CLIP1: variants seen among roughly 807,000 people sequenced by gnomAD.
The protein encoded by CLIP1 is CAP-Gly domain containing linker protein 1.
In CLIP1, 66 loss-of-function variants were observed where a neutral mutation model predicts 161.6. That is an observed-to-expected ratio of 0.41 (90% CI 0.33 to 0.50). The LOEUF (loss-of-function observed/expected upper bound fraction) is 0.50, where lower values mean the gene tolerates loss of function less well. Among genes scored for constraint, CLIP1 ranks in the 20% least tolerant of loss-of-function variants. CLIP1 has a pLI of 0.27. For missense variants in CLIP1, 1,376 were observed against 1,702.0 expected, an observed-to-expected ratio of 0.81 and a Z score of 3.37; for synonymous variants, 598 against 626.2, an observed-to-expected ratio of 0.96 and a Z score of 0.67.
intron 20 of CLIP1, among the ~76,000 whole-genome samples, chr12:122,290,737 A>G (rs12578167): frequency 1.3e-5 from 2 of 152,142 alleles, no homozygotes; most frequent in African/African-American, 2.4e-5. Flanking sequence ...TCCAAGGAAG[A>G]GATGTTTGAT....
intron 10 of CLIP1, among the ~76,000 whole-genome samples, chr12:122,345,175 A>AT (rs1952687860): frequency 6.9e-6 from 1 of 145,340 alleles, no homozygotes; most frequent in African/African-American, 2.6e-5. Context: ...CCAAATTGCC[A>AT]CTTTTTTTTT....
intron 1 of CLIP1, among the ~76,000 whole-genome samples, chr12:122,388,400 T>C (rs917386251): frequency 2.6e-5 from 4 of 152,096 alleles, no homozygotes; most frequent in Admixed American, 1.3e-4. Context: ...TTTGTATTTT[T>C]AGTAGAGACG....
chr12:122,373,007 A>T (rs1012030665), intron 3 of CLIP1, among the ~76,000 whole-genome samples: 2 of 152,346 alleles, frequency 1.3e-5, no homozygotes, highest in South Asian at 4.1e-4. Flanking sequence ...TATTAGGTGC[A>T]GCGTATACTG....
At chr12:122,356,358 T>C (rs1196847184) in intron 5 of CLIP1, among the ~76,000 whole-genome samples, 1 of 152,196 alleles carries the variant, frequency 6.6e-6, no homozygotes. Flanking sequence ...ACTACTAGTT[T>C]GAGGCAATTC....
At chr12:122,316,002 C>G (rs913251274) in intron 19 of CLIP1, among the ~76,000 whole-genome samples, 1 of 151,446 alleles carries the variant, frequency 6.6e-6, no homozygotes, top group African/African-American at 2.4e-5. Context: ...GATTTTTTTC[C>G]CCCTATAAAA....
chr12:122,337,063 G>A (rs1425616480), intron 11 of CLIP1, among the ~76,000 whole-genome samples: 1 of 151,216 alleles, frequency 6.6e-6, no homozygotes, highest in Non-Finnish European at 1.5e-5. Context: ...TAGAACTCCT[G>A]AGTTCAAGTG....
intron 9 of CLIP1, among the ~76,000 whole-genome samples, chr12:122,350,314 G>C (rs1372004067): frequency 6.6e-6 from 1 of 152,088 alleles, no homozygotes; most frequent in Admixed American, 6.5e-5. Context: ...AACGTTTTCA[G>C]GTTCTTTACA....
intron 1 of CLIP1, among the ~76,000 whole-genome samples, chr12:122,420,257 AT>A (rs1203766391): frequency 6.6e-6 from 1 of 151,966 alleles, no homozygotes; most frequent in Non-Finnish European, 1.5e-5. Context: ...AGGCAGGAGA[AT>A]CGCTTGAACC....
intron 1 of CLIP1, among the ~76,000 whole-genome samples, chr12:122,390,032 G>A (rs983657365): frequency 1.3e-5 from 2 of 149,046 alleles, no homozygotes; most frequent in African/African-American, 2.5e-5. Context: ...GCCATGTGAC[G>A]CGCCTGTTCC....
At chr12:122,275,646 A>G (rs370192969) in intron 24 of CLIP1, 1,318 of 82,578 alleles carry the variant, frequency 0.016, 21 homozygotes, top group African/African-American at 0.063. Flanking sequence ...ACACACGCGC[A>G]CACACACACA....
intron 9 of CLIP1, among the ~76,000 whole-genome samples, chr12:122,348,621 C>G (rs1485861804): frequency 6.6e-6 from 1 of 152,142 alleles, no homozygotes; most frequent in Non-Finnish European, 1.5e-5. Context: ...TAATCTAGGT[C>G]CAAATGTACC....
chr12:122,301,957 T>G (rs1183614296), intron 20 of CLIP1, among the ~76,000 whole-genome samples: 3 of 152,236 alleles, frequency 2.0e-5, no homozygotes, highest in Admixed American at 2.0e-4. Flanking sequence ...ACGATGCTCT[T>G]GGCCATATTT....
At chr12:122,369,306 G>A (rs1450918081) in intron 3 of CLIP1, among the ~76,000 whole-genome samples, 5 of 151,976 alleles carry the variant, frequency 3.3e-5, no homozygotes, top group Admixed American at 2.0e-4. Flanking sequence ...ACAGACGTGA[G>A]CCACCACGTC....
At chr12:122,276,651 T>A in intron 24 of CLIP1, 1 of 346,924 alleles carries the variant, frequency 2.9e-6, no homozygotes, top group Non-Finnish European at 5.3e-6. Flanking sequence ...AGTTTTTCTT[T>A]TATTTAAATA....
rs182302673 is a variant in CLIP1, at chr12:122,395,273, C to A, written c.-106-14715G>T. On this transcript the variant is annotated intron_variant, in intron 1 of 25. Transcript: ENST00000620786. ...GCCAGAGGATACTCACAATAATTTT[C>A]TCATCATTATACGATCTCTTTCAGC... The A allele has an allele frequency of 2.0e-5, 3 of 152,320 alleles. No homozygotes were observed. The East Asian group carries it at 5.8e-4, about 29-fold the overall frequency. 9.4% of individuals were successfully genotyped at this position (152,320 alleles called of 1,614,324 possible).
rs1347537861 is a variant in CLIP1 at position 122,387,568 on chromosome 12, A to G, written c.-106-7010T>C. Among the ~76,000 whole-genome samples the G allele has an allele frequency of 3.4e-3, 76 of 22,234 alleles. 7 individuals carry two copies. Among genetic ancestry groups the G allele is most frequent in the South Asian group, 0.012 (11 of 936 alleles). The allele number at this position is 22,234 out of a possible 152,430, so 14.6% of individuals were successfully genotyped here. ...TTTTCATATATATATATATATATAT[A>G]TATATATATATATATATATATATTT... is the stretch of plus-strand genomic sequence containing the variant. On this transcript the variant is annotated intron_variant, in intron 1 of 25. Transcript: ENST00000620786.
chr12:122,419,692 T>C (rs1566256147), intron 1 of CLIP1, among the ~76,000 whole-genome samples: 1 of 151,858 alleles, frequency 6.6e-6, no homozygotes, highest in Non-Finnish European at 1.5e-5. Context: ...TCCCAGCACT[T>C]TGGGAGGCCG....
chr12:122,375,262 A>G (rs964141030), intron 3 of CLIP1, among the ~76,000 whole-genome samples: 3 of 151,302 alleles, frequency 2.0e-5, no homozygotes, highest in African/African-American at 4.9e-5. Context: ...GCTACTGTAC[A>G]TTTCCTTCCT....
chr12:122,381,060 CA>C (rs1254061635), intron 1 of CLIP1, among the ~76,000 whole-genome samples: 1 of 151,946 alleles, frequency 6.6e-6, no homozygotes, highest in African/African-American at 2.4e-5. Context: ...AACACAAAAA[CA>C]AAAATAAGCA....
Sources: allele counts gnomAD v4.1 joint callset (sites outside exome capture counted in the v4.1 genomes callset), GRCh38; gene constraint gnomAD v4.1.1; transcripts MANE v1.5; gene names NCBI Gene and HGNC (gene_info 2026-07-23, HGNC 2026-07-21).